Variants in SLC44A5 observed in about 807,000 individuals in gnomAD.
SLC44A5 encodes solute carrier family 44 member 5.
SLC44A5 carries 57 observed loss-of-function variants against 101.8 expected under a neutral mutation model. That is an observed-to-expected ratio of 0.56 (90% confidence interval 0.45 to 0.70). The LOEUF (loss-of-function observed/expected upper bound fraction) is 0.70, where lower values mean the gene tolerates loss of function less well. SLC44A5 is among the 30% of genes least tolerant of loss of function. SLC44A5 has a pLI of 0.00. For missense variants in SLC44A5, 737 were observed against 853.1 expected (o/e 0.86, Z 1.70); for synonymous variants, 281 against 290.9 (o/e 0.97, Z 0.35).
At chr1:75,452,710 A>G (rs1391741977) in intron 2 of SLC44A5, among the ~76,000 whole-genome samples, 1 of 152,160 alleles carries the variant, frequency 6.6e-6, no homozygotes, top group East Asian at 1.9e-4. Flanking sequence ...AGAAAGATTT[A>G]TCATCCAAAT....
intron 3 of SLC44A5, among the ~76,000 whole-genome samples, chr1:75,388,063 G>T: frequency 8.4e-6 from 1 of 118,402 alleles, no homozygotes; most frequent in East Asian, 2.8e-4. Flanking sequence ...GACTGTTGTG[G>T]GGTGGGGGGA....
chr1:75,396,707 A>C, intron 2 of SLC44A5, 86 bp from the exon 3 acceptor site: 2 of 1,064,972 alleles, frequency 1.9e-6, no homozygotes, highest in Admixed American at 3.5e-5. Context: ...TATCCTAAAA[A>C]ATCTTAGTCT....
chr1:75,337,746 C>A (rs1004914205), intron 4 of SLC44A5, among the ~76,000 whole-genome samples: 1 of 152,128 alleles, frequency 6.6e-6, no homozygotes, highest in Admixed American at 6.5e-5. Flanking sequence ...TGACCATCAT[C>A]CCTTCGCCTT....
At chr1:75,314,692 G>T (rs1214136770) in intron 4 of SLC44A5, among the ~76,000 whole-genome samples, 1 of 152,142 alleles carries the variant, frequency 6.6e-6, no homozygotes, top group African/African-American at 2.4e-5. Context: ...CAGGAGATCA[G>T]CATCAAATAA....
intron 4 of SLC44A5, among the ~76,000 whole-genome samples, chr1:75,315,867 CT>C (rs1033210718): frequency 3.9e-5 from 6 of 152,144 alleles, no homozygotes; most frequent in Non-Finnish European, 7.3e-5. Flanking sequence ...ATTCTTGACT[CT>C]TCTCTCTTAT....
intron 2 of SLC44A5, among the ~76,000 whole-genome samples, chr1:75,541,174 C>A (rs1671335909): frequency 6.6e-6 from 1 of 152,054 alleles, no homozygotes; most frequent in Admixed American, 6.6e-5. Context: ...AACCACATAC[C>A]CCCAGCTTGC....
chr1:75,477,204 G>A (rs1418776893), intron 2 of SLC44A5, among the ~76,000 whole-genome samples: 3 of 152,298 alleles, frequency 2.0e-5, no homozygotes, highest in South Asian at 4.1e-4. Context: ...CTGTCTGTTA[G>A]AAGGAAAACT....
At chr1:75,242,406 C>G (rs1252477966) in intron 8 of SLC44A5, among the ~76,000 whole-genome samples, 1 of 151,658 alleles carries the variant, frequency 6.6e-6, no homozygotes, top group Non-Finnish European at 1.5e-5. Context: ...ATTTAGAAAC[C>G]ATTCATATTA....
the SLC44A5 span, among the ~76,000 whole-genome samples, chr1:75,645,087 AT>A: frequency 1.3e-5 from 2 of 152,108 alleles, no homozygotes; most frequent in African/African-American, 4.8e-5. Flanking sequence ...CAATAAACAT[AT>A]GTGTGCATGT....
chr1:75,416,642 G>T (rs1290998168), intron 2 of SLC44A5, among the ~76,000 whole-genome samples: 1 of 152,182 alleles, frequency 6.6e-6, no homozygotes, highest in Non-Finnish European at 1.5e-5. Flanking sequence ...CTCGACACCA[G>T]CCCATGAAAG....
the SLC44A5 span, among the ~76,000 whole-genome samples, chr1:75,681,871 C>G: frequency 6.6e-6 from 1 of 152,178 alleles, no homozygotes; most frequent in African/African-American, 2.4e-5. Context: ...ACTGTCTCAG[C>G]CCAAACTCTC....
intron 2 of SLC44A5, among the ~76,000 whole-genome samples, chr1:75,492,321 T>C (rs1668466714): frequency 6.6e-6 from 1 of 152,204 alleles, no homozygotes; most frequent in Non-Finnish European, 1.5e-5. Flanking sequence ...AAAACTTTAG[T>C]AGCATAACAG....
intron 4 of SLC44A5, among the ~76,000 whole-genome samples, chr1:75,332,310 A>T (rs1041937981): frequency 6.6e-6 from 1 of 152,210 alleles, no homozygotes; most frequent in Non-Finnish European, 1.5e-5. Flanking sequence ...CTACTGTATT[A>T]GTCTTGAGTC....
intron 2 of SLC44A5, among the ~76,000 whole-genome samples, chr1:75,483,314 T>G (rs1287750760): frequency 2.6e-5 from 4 of 152,166 alleles, no homozygotes; most frequent in Non-Finnish European, 5.9e-5. Flanking sequence ...TTATTACTGG[T>G]GTTATTAAAA....
intron 2 of SLC44A5, among the ~76,000 whole-genome samples, chr1:75,499,108 C>A (rs1456098142): frequency 1.3e-5 from 2 of 152,016 alleles, no homozygotes; most frequent in Admixed American, 6.5e-5. Flanking sequence ...ATAAGCTATA[C>A]CATATAGCTT....
chr1:75,591,202 C>T (rs1674331552), intron 1 of SLC44A5, among the ~76,000 whole-genome samples: 2 of 152,206 alleles, frequency 1.3e-5, no homozygotes, highest in African/African-American at 2.4e-5. Context: ...GCAAGAACCA[C>T]AGCATTACTG....
At chr1:75,553,112 G>C (rs937293235) in intron 1 of SLC44A5, among the ~76,000 whole-genome samples, 4 of 152,012 alleles carry the variant, frequency 2.6e-5, no homozygotes, top group East Asian at 3.9e-4. Context: ...CTATATTTCT[G>C]ATTTCTTATT....
intron 1 of SLC44A5, among the ~76,000 whole-genome samples, chr1:75,545,094 G>T (rs1671573083): frequency 6.6e-6 from 1 of 152,004 alleles, no homozygotes; most frequent in Non-Finnish European, 1.5e-5. Flanking sequence ...ACTTATGAGT[G>T]GGAACATGCA....
At chr1:75,450,775 G>A (rs1028735179) in intron 2 of SLC44A5, among the ~76,000 whole-genome samples, 1 of 152,158 alleles carries the variant, frequency 6.6e-6, no homozygotes, top group African/African-American at 2.4e-5. Flanking sequence ...CTGCTCACCT[G>A]GATCAGCAGC....
Sources: gnomAD v4.1 joint callset for allele counts (sites outside exome capture counted in the v4.1 genomes callset) on GRCh38, gnomAD v4.1.1 for gene constraint, MANE v1.5 for transcripts, NCBI Gene and HGNC (gene_info 2026-07-23, HGNC 2026-07-21) for gene names.